VPS13C: variants seen among roughly 807,000 people sequenced by gnomAD.
VPS13C encodes intermembrane lipid transfer protein VPS13C.
VPS13C carries 358 observed loss-of-function variants against 456.8 expected under a neutral mutation model. The ratio of observed to expected loss-of-function variants is 0.78; its 90% CI spans 0.72 to 0.86. The LOEUF (loss-of-function observed/expected upper bound fraction) is 0.86. VPS13C is among the 40% of genes least tolerant of loss of function. The probability of loss-of-function intolerance (pLI) is 0.00; values close to 1 mark genes in which losing one functional copy is unlikely to be tolerated. For synonymous variants in VPS13C, 1,578 were observed against 1,486.7 expected, an observed-to-expected ratio of 1.06 and a Z score of -1.41; for missense variants, 4,818 against 4,385.4, an observed-to-expected ratio of 1.10 and a Z score of -2.79.
At chr15:61,894,897 C>T (rs1440846062) in intron 66 of VPS13C, among the ~76,000 whole-genome samples, 1 of 152,182 alleles carries the variant, frequency 6.6e-6, no homozygotes, top group African/African-American at 2.4e-5. Flanking sequence ...ACCTAACAAA[C>T]ATGTACAGAA....
Position 61,945,852 on chromosome 15 carries a change from T to C in VPS13C, c.5011A>G (p.Arg1671Gly). 3.1e-6 allele frequency: 5 copies of C among 1,610,870 alleles called. No individual in the cohort carries two copies. Among genetic ancestry groups the C allele is most frequent in the Non-Finnish European group, 4.2e-6 (5 of 1,179,142 alleles). The change falls in exon 45 of 85, where the codon AGG (arginine) becomes GGG (glycine). Residue 1671 changes from arginine to glycine, a missense_variant. Arg to Gly is a moderately radical substitution (Grantham distance 125, BLOSUM62 -2). Coordinates refer to ENST00000644861, the MANE Select transcript of VPS13C (RefSeq NM_020821.3). The part of the protein sequence containing the change: ...AVSILGDEVF[R>G]FQLTLYPDAT... Reference sequence around the variant, plus strand: ...TCTGGATAAAGAGTCAGTTGGAACCTAAAGACTTCATCTCCCAAAATAGAG... The same window carrying C: ...TCTGGATAAAGAGTCAGTTGGAACCCAAAGACTTCATCTCCCAAAATAGAG...
chr15:61,931,091 T>G lies in VPS13C; in HGVS notation c.6037A>C (p.Arg2013=). Residue 2013 remains arginine (R), a splice_region_variant and synonymous_variant, in exon 50 of 85, where the codon AGA becomes CGA. Coordinates refer to ENST00000644861, the MANE Select transcript of VPS13C (RefSeq NM_020821.3). The part of the protein sequence containing the change: ...LREGIERATS[R]MIDRKNDQDN... ...ATTGCAAACTCAGAGCTGACAAACC[T>G]CGATGTTGCTCTCTCAATTCCTTCT... The G allele has an allele frequency of 6.2e-7, 1 of 1,613,970 alleles. No homozygotes were observed. Among genetic ancestry groups the G allele is most frequent in the Non-Finnish European group, 8.5e-7 (1 of 1,180,000 alleles).
intron 45 of VPS13C, 124 bp from the exon 46 acceptor site, chr15:61,942,191 G>A (rs2044450805): frequency 1.1e-6 from 1 of 895,072 alleles, no homozygotes; most frequent in African/African-American, 1.7e-5. Context: ...TTATGATTTT[G>A]TGTATGTAGA....
chr15:61,889,813 T>C (rs1043396871), intron 67 of VPS13C, among the ~76,000 whole-genome samples: 2 of 152,186 alleles, frequency 1.3e-5, no homozygotes, highest in Non-Finnish European at 2.9e-5. Flanking sequence ...GTACTTCCAC[T>C]GTGCATGTAC....
intron 29 of VPS13C, among the ~76,000 whole-genome samples, chr15:61,967,003 A>G (rs1410974217): frequency 6.6e-6 from 1 of 151,914 alleles, no homozygotes; most frequent in Non-Finnish European, 1.5e-5. Context: ...TATTCATGGC[A>G]TTTGTCTTCT....
chr15:62,037,461 T>TTGTAAG (rs71125962), intron 3 of VPS13C, among the ~76,000 whole-genome samples: 28 of 81,694 alleles, frequency 3.4e-4, no homozygotes, highest in Non-Finnish European at 4.8e-4. Context: ...TATATAAATA[T>TTGTAAG]AATATAATAA....
chr15:61,965,956 T>C, intron 30 of VPS13C, 127 bp downstream of exon 30: 1 of 574,996 alleles, frequency 1.7e-6, no homozygotes, highest in East Asian at 3.2e-5. Flanking sequence ...GATGAGGTTA[T>C]TTATAACTCT....
rs1370402562 is a variant in VPS13C at position 62,012,139 on chromosome 15, G to C, written c.851C>G (p.Thr284Arg). ...ILDQLKNEIL[T>R]SGNIPPNYQY... ...ATAATTTGGGGGTATATTTCCACTT[G>C]TAAGAATTTCATTTTTCAGCTGATC... Residue 284 changes from threonine (T) to arginine (R), a missense_variant, in exon 12 of 85, where the codon ACA (threonine) becomes AGA (arginine). Physicochemically the swap from Thr to Arg is moderately conservative, Grantham distance 71 (BLOSUM62 -1). This residue lies in a region of VPS13C where 4,552 missense variants were observed against 4,130.6 expected (regional missense o/e 1.10). Coordinates refer to ENST00000644861, the MANE Select transcript of VPS13C (RefSeq NM_020821.3). The C allele has an allele frequency of 1.9e-6, 3 of 1,542,344 alleles. No homozygotes were observed. The highest frequency in any genetic ancestry group is 2.7e-6 in the Non-Finnish European group (3 of 1,120,930).
intron 48 of VPS13C, among the ~76,000 whole-genome samples, chr15:61,936,330 A>G (rs1250470058): frequency 6.6e-6 from 1 of 152,122 alleles, no homozygotes; most frequent in Non-Finnish European, 1.5e-5. Flanking sequence ...TCTTCTCTCA[A>G]GATACGCCAC....
chr15:61,890,875 C>T (rs764100780), intron 66 of VPS13C, among the ~76,000 whole-genome samples: 7 of 152,058 alleles, frequency 4.6e-5, no homozygotes, highest in Non-Finnish European at 7.4e-5. Flanking sequence ...GGTGAAACCC[C>T]GTCTCCACTA....
At chr15:62,042,109 C>T (rs1021874876) in intron 2 of VPS13C, among the ~76,000 whole-genome samples, 2 of 152,054 alleles carry the variant, frequency 1.3e-5, no homozygotes, top group Non-Finnish European at 2.9e-5. Context: ...AATGAATAAA[C>T]TTAAAAATCT....
intron 81 of VPS13C, chr15:61,865,848 T>A: frequency 1.1e-6 from 1 of 928,466 alleles, no homozygotes; most frequent in African/African-American, 1.8e-5. Context: ...GTACATCTCA[T>A]GGAAATATAA....
intron 67 of VPS13C, among the ~76,000 whole-genome samples, chr15:61,886,211 T>C (rs1896259708): frequency 6.6e-6 from 1 of 152,164 alleles, no homozygotes; most frequent in South Asian, 2.1e-4. Flanking sequence ...TTATTGTTTT[T>C]TGTATTTGTT....
intron 1 of VPS13C, among the ~76,000 whole-genome samples, chr15:62,047,786 C>T (rs1342707407): frequency 6.6e-6 from 1 of 152,168 alleles, no homozygotes; most frequent in Non-Finnish European, 1.5e-5. Context: ...GCAGCAGTGT[C>T]ATTACATATC....
At chr15:61,909,242 C>A in intron 64 of VPS13C, 117 bp from the exon 65 acceptor site, 2 of 1,312,746 alleles carry the variant, frequency 1.5e-6, no homozygotes. Context: ...CAGAGTCTTG[C>A]TGTCACCCAG....
chr15:61,920,508 T>C lies in VPS13C; in HGVS notation c.7202A>G (p.Asn2401Ser), dbSNP rs2043619339. 6 of 1,532,682 alleles carry C rather than the reference T, an allele frequency of 3.9e-6. No homozygotes were observed. Among genetic ancestry groups the C allele is most frequent in the Middle Eastern group, 1.8e-4 (1 of 5,514 alleles). 94.9% of individuals were successfully genotyped at this position (1,532,682 alleles called of 1,614,324 possible). A position where few individuals can be genotyped will look rare whatever the true frequency, so the allele number is the denominator to read the frequency against. Reference protein sequence around the residue: ...ISKSCLNVFNNLAKGFSEGTA... With the variant: ...ISKSCLNVFNSLAKGFSEGTA... ...AAGATTCAGACATACTTTTGCTAAA[T>C]TGTTGAAAACATTAAGACAACTTTT... is the stretch of plus-strand genomic sequence containing the variant. The change falls in exon 56 of 85, where the codon AAT becomes AGT. Residue 2401 changes from asparagine to serine, a missense_variant. Coordinates refer to ENST00000644861, the MANE Select transcript of VPS13C (RefSeq NM_020821.3).
rs1362197963 is a variant in VPS13C at position 61,920,613 on chromosome 15, A to C, written c.7097T>G (p.Leu2366Arg). ...KKNPVQDKSL[L>R]PGDDFIPEPQ... ...CTCAGGAATAAAATCATCTCCTGGC[A>C]GCAAACTTTTATCCTGAACTGGGTT... Residue 2366 changes from leucine to arginine, a missense_variant, in exon 56 of 85, where the codon CTG becomes CGG. Physicochemically the swap from Leu to Arg is moderately radical, Grantham distance 102. Transcript: ENST00000644861. The C allele has an allele frequency of 6.3e-7, 1 of 1,589,720 alleles. No individual in the cohort carries two copies. The highest frequency in any genetic ancestry group is 1.4e-5 in the African/African-American group (1 of 73,236).
intron 79 of VPS13C, among the ~76,000 whole-genome samples, chr15:61,870,969 G>A (rs11638455): frequency 0.058 from 8,888 of 152,028 alleles, 316 homozygotes; most frequent in Non-Finnish European, 0.08. Context: ...TCTTTTTATT[G>A]TTGATTTTTA....
At chr15:61,911,140 T>A (rs780570157) in intron 63 of VPS13C, among the ~76,000 whole-genome samples, 1 of 152,216 alleles carries the variant, frequency 6.6e-6, no homozygotes, top group Non-Finnish European at 1.5e-5. Context: ...GAGAGTCAGC[T>A]GGTTTGGTTG....
Sources: allele counts gnomAD v4.1 joint callset (sites outside exome capture counted in the v4.1 genomes callset), GRCh38; gene constraint gnomAD v4.1.1; regional missense constraint gnomAD v4.1.1; transcripts MANE v1.5; gene names NCBI Gene and HGNC (gene_info 2026-07-23, HGNC 2026-07-21).